DEPDC5: variants seen among roughly 807,000 people sequenced by gnomAD.
The protein encoded by DEPDC5 is GATOR1 complex protein DEPDC5.
A neutral mutation model predicts 217.3 loss-of-function variants in DEPDC5; 73 were observed. The observed-to-expected ratio is 0.34, with a 90% CI of 0.28 to 0.41. The LOEUF (loss-of-function observed/expected upper bound fraction) is 0.41. Among genes scored for constraint, DEPDC5 ranks in the 10% least tolerant of loss-of-function variants. The pLI is 1.00. For synonymous variants in DEPDC5, 733 were observed against 756.7 expected, an observed-to-expected ratio of 0.97 and a Z score of 0.51; for missense variants, 1,675 against 2,070.1, an observed-to-expected ratio of 0.81 and a Z score of 3.70.
chr22:31,760,857 T>C (rs577370926), intron 4 of DEPDC5, among the ~76,000 whole-genome samples, 155 bp downstream of exon 4: 36 of 152,232 alleles, frequency 2.4e-4, no homozygotes, highest in Non-Finnish European at 4.8e-4. Flanking sequence ...TACATGGGAA[T>C]GTTTGTTACA....
chr22:31,833,773 C>A, intron 24 of DEPDC5, 142 bp from the exon 25 acceptor site: 1 of 608,900 alleles, frequency 1.6e-6, no homozygotes, highest in Non-Finnish European at 2.8e-6. Context: ...TTCTTTTGTA[C>A]TGTTTGAAAT....
In DEPDC5 at chr22:31,820,585, G is replaced by A. The variant is rs570615583; in HGVS notation, c.1871-917G>A. On this transcript the variant is annotated intron_variant, in intron 22 of 42. Coordinates refer to ENST00000651528, the MANE Select transcript of DEPDC5 (RefSeq NM_001242896.3). Reference sequence around the variant, plus strand: ...AACCCCGTTCTGCCCCCTTATCTCTGCTATAATCAGTCACACTACTTGTTT... The same window carrying A: ...AACCCCGTTCTGCCCCCTTATCTCTACTATAATCAGTCACACTACTTGTTT... Among the ~76,000 whole-genome samples the A allele has an allele frequency of 4.6e-5, 7 of 152,156 alleles. No individual in the cohort carries two copies. The South Asian group carries it at 1.0e-3, about 23-fold the overall frequency.
rs769120195 is a variant in DEPDC5 at position 31,874,318 on chromosome 22, C to T, written c.3609C>T (p.Tyr1203=). Reference sequence around the variant, plus strand: ...CTGAACAGAAGGGCCTCTCACCGTACTGCTTCATCAGCGCGGAGGTGGTAC... The same window carrying T: ...CTGAACAGAAGGGCCTCTCACCGTATTGCTTCATCAGCGCGGAGGTGGTAC... The part of the protein sequence containing the change: ...LLSEQKGLSP[Y]CFISAEVVHW... The change falls in exon 36 of 43, where the codon TAC becomes TAT. Residue 1203 remains tyrosine, a synonymous_variant. Transcript: ENST00000651528. 3.1e-6 allele frequency: 5 copies of T among 1,609,778 alleles called. No individual in the cohort carries two copies. The highest frequency in any genetic ancestry group is 1.1e-5 in the South Asian group (1 of 89,992).
chr22:31,758,068 T>G (rs2082081308), intron 2 of DEPDC5, among the ~76,000 whole-genome samples: 2 of 152,188 alleles, frequency 1.3e-5, no homozygotes, highest in African/African-American at 4.8e-5. Flanking sequence ...CTGGACTCTC[T>G]GAGGTTATTT....
intron 24 of DEPDC5, among the ~76,000 whole-genome samples, chr22:31,827,837 G>A (rs1459355582): frequency 6.6e-6 from 1 of 152,128 alleles, no homozygotes; most frequent in African/African-American, 2.4e-5. Context: ...CCAGATGTCT[G>A]CATTTGCCCA....
At chr22:31,899,583 G>T (rs1041086163) in intron 40 of DEPDC5, among the ~76,000 whole-genome samples, 1 of 152,050 alleles carries the variant, frequency 6.6e-6, no homozygotes, top group African/African-American at 2.4e-5. Context: ...GTAGAGATGG[G>T]ATTTCACCAC....
In DEPDC5 at chr22:31,847,054, T is replaced by C. The variant is rs1352855952; in HGVS notation, c.3155+87T>C. The C allele has an allele frequency of 3.2e-6, 5 of 1,579,478 alleles. No homozygotes were observed. The Admixed American group carries it at 5.4e-5, about 17-fold the overall frequency. On this transcript the variant is annotated intron_variant, in intron 31 of 42. Transcript: ENST00000651528. ...CCTGTTCCCTTGAGGGGGTGAAATA[T>C]TTCCTTTACAAGGAGCTTGTAATTA...
In DEPDC5 at chr22:31,838,697, T is replaced by C. The variant is rs751377415; in HGVS notation, c.2367T>C (p.Asp789=). 27 of 1,614,090 alleles carry C rather than the reference T, an allele frequency of 1.7e-5. No individual in the cohort carries two copies. The South Asian group carries it at 3.0e-4, about 18-fold the overall frequency. Residue 789 remains aspartate, a synonymous_variant, in exon 27 of 43, where the codon GAT becomes GAC. Coordinates refer to ENST00000651528, the MANE Select transcript of DEPDC5 (RefSeq NM_001242896.3). The part of the protein sequence containing the change: ...PEADIDRRDE[D]GVQMTAQQVF... Reference sequence around the variant, plus strand: ...CTGTTGTTTTCAGGAGGGACGAAGATGGTGTGCAGATGACAGCCCAGCAGG... The same window carrying C: ...CTGTTGTTTTCAGGAGGGACGAAGACGGTGTGCAGATGACAGCCCAGCAGG...
At chr22:31,770,504 G>A (rs1239852950) in intron 7 of DEPDC5, among the ~76,000 whole-genome samples, 1 of 149,554 alleles carries the variant, frequency 6.7e-6, no homozygotes, top group African/African-American at 2.5e-5. Context: ...CCTCAGCCTC[G>A]TGAGTTGCTG....
rs577982097 is a variant in DEPDC5, at chr22:31,821,509, C to T, written c.1878C>T (p.Ser626=). 1.5e-5 allele frequency: 25 copies of T among 1,614,166 alleles called. No homozygotes were observed. The highest frequency in any genetic ancestry group is 1.2e-4 in the South Asian group (11 of 91,086). Residue 626 remains serine (S), a synonymous_variant, in exon 23 of 43, where the codon TCC becomes TCT. Coordinates refer to ENST00000651528, the MANE Select transcript of DEPDC5 (RefSeq NM_001242896.3). ...RWMHTFPVGP[S]GEAIQIHHQT... ...GGTTCTTTATCTGGGTAGGGCCATC[C>T]GGAGAAGCCATCCAGATCCACCACC...
upstream of DEPDC5, chr22:31,754,007 C>T (rs1011738351): frequency 6.6e-6 from 1 of 151,872 alleles, no homozygotes; most frequent in African/African-American, 2.4e-5. Flanking sequence ...GTGAGCGCTA[C>T]ACGGTCGGGG....
intron 24 of DEPDC5, among the ~76,000 whole-genome samples, chr22:31,831,534 T>C (rs1307243214): frequency 6.6e-6 from 1 of 152,170 alleles, no homozygotes; most frequent in Non-Finnish European, 1.5e-5. Context: ...CTCAGCTCAC[T>C]GCAACCTCAG....
intron 6 of DEPDC5, among the ~76,000 whole-genome samples, chr22:31,767,699 T>C (rs992868149): frequency 4.6e-5 from 7 of 152,078 alleles, no homozygotes; most frequent in African/African-American, 1.7e-4. Flanking sequence ...CCCAAAGTGC[T>C]AGGATTATAG....
intron 9 of DEPDC5, 153 bp from the exon 10 acceptor site, chr22:31,784,661 T>C: frequency 1.6e-6 from 1 of 607,910 alleles, no homozygotes; most frequent in Middle Eastern, 4.0e-4. Flanking sequence ...ACCTTCTTTT[T>C]GGTCCCCTTT....
At position 31,817,869 on chromosome 22, in the gene DEPDC5, A is replaced by T. The variant is rs141892129; in HGVS notation, c.1667-1153A>T. 4.0e-3 allele frequency among the ~76,000 whole-genome samples: 602 copies of T among 151,970 alleles called. 2 individuals carry two copies. The highest frequency in any genetic ancestry group is 3.5e-3 in the Non-Finnish European group (235 of 67,982). On this transcript the variant is annotated intron_variant, in intron 21 of 42. Transcript: ENST00000651528. ...TAGACTATGTTCTTTTTTATTTTGT[A>T]AGTTAGAGCATCAATTCATTAATTT...
chr22:31,861,497 G>C (rs1040200159), intron 33 of DEPDC5, 64 bp downstream of exon 33: 101 of 1,521,540 alleles, frequency 6.6e-5, no homozygotes, highest in Non-Finnish European at 8.5e-5. Flanking sequence ...CTGGCCTTCT[G>C]TTAGGCTCTG....
chr22:31,790,331 C>G (rs555725395), intron 10 of DEPDC5, among the ~76,000 whole-genome samples: 1 of 152,152 alleles, frequency 6.6e-6, no homozygotes, highest in Middle Eastern at 3.4e-3. Flanking sequence ...CTTCAGAGAC[C>G]CAGGAGGAAC....
chr22:31,891,312 ATTATCT>A (rs2093434086), intron 38 of DEPDC5: 1 of 458,672 alleles, frequency 2.2e-6, no homozygotes, highest in Non-Finnish European at 4.1e-6. Flanking sequence ...TTATCTTTAC[ATTATCT>A]TTATCAACTC....
At chr22:31,797,237 A>G (rs1002133502) in intron 12 of DEPDC5, among the ~76,000 whole-genome samples, 2 of 152,034 alleles carry the variant, frequency 1.3e-5, no homozygotes, top group African/African-American at 2.4e-5. Flanking sequence ...CATACCCAAG[A>G]CTGGGTAATT....
Sources: gnomAD v4.1 joint callset for allele counts (sites outside exome capture counted in the v4.1 genomes callset) on GRCh38, gnomAD v4.1.1 for gene constraint, MANE v1.5 for transcripts, NCBI Gene and HGNC (gene_info 2026-07-23, HGNC 2026-07-21) for gene names.